The following DOCK11 variants were observed in gnomAD, a reference collection of about 807,000 sequenced individuals.
DOCK11 encodes dedicator of cytokinesis 11.
In DOCK11, 70 loss-of-function variants were observed where a neutral mutation model predicts 169.1. That is an observed-to-expected ratio of 0.41 (90% confidence interval 0.34 to 0.51). The LOEUF (loss-of-function observed/expected upper bound fraction) is 0.51. Among genes scored for constraint, DOCK11 ranks in the 20% least tolerant of loss-of-function variants. The pLI, the probability that DOCK11 is intolerant of heterozygous loss-of-function variation, is 0.10. For missense variants in DOCK11, 1,166 were observed against 1,538.8 expected, an observed-to-expected ratio of 0.76 and a Z score of 4.05; for synonymous variants, 529 against 541.3, an observed-to-expected ratio of 0.98 and a Z score of 0.32.
chrX:118,511,306 CT>C (rs35153428), intron 1 of DOCK11, among the ~76,000 whole-genome samples: 1 of 111,574 alleles, frequency 9.0e-6, no homozygotes, highest in African/African-American at 3.3e-5. Context: ...TCTATTTTTT[CT>C]TTTTTTCCTC....
intron 35 of DOCK11, chrX:118,634,028 T>G (rs1173210974): frequency 1.8e-5 from 2 of 112,347 alleles, no homozygotes; most frequent in Admixed American, 1.9e-4. Context: ...TAACTGATCT[T>G]TCAAGTCATT....
chrX:118,510,634 A>C (rs1014443843), intron 1 of DOCK11, among the ~76,000 whole-genome samples: 3 of 110,810 alleles, frequency 2.7e-5, no homozygotes, highest in Non-Finnish European at 5.7e-5. Flanking sequence ...GTCAGCGGGG[A>C]GGTGTTTAAA....
chrX:118,551,027 A>G (rs1407905054), intron 6 of DOCK11, among the ~76,000 whole-genome samples: 3 of 111,832 alleles, frequency 2.7e-5, no homozygotes, highest in Non-Finnish European at 5.6e-5. Context: ...CCTGCCCGCT[A>G]GGAACTCCAG....
chrX:118,532,749 C>T (rs1290610638), intron 1 of DOCK11, among the ~76,000 whole-genome samples: 1 of 98,457 alleles, frequency 1.0e-5, no homozygotes, highest in African/African-American at 3.7e-5. Context: ...CCACTGCACC[C>T]CAGCCTGGGC....
At chrX:118,675,880 A>G (rs2016597511) in intron 46 of DOCK11, 56 bp from the exon 47 acceptor site, 8 of 719,326 alleles carry the variant, frequency 1.1e-5, no homozygotes, top group Non-Finnish European at 2.0e-6. Context: ...TTCATCTTGA[A>G]GACATTTAGT....
At chrX:118,593,364 T>C (rs5909551) in intron 20 of DOCK11, 27 bp downstream of exon 20, 405,912 of 1,175,945 alleles carry the variant, frequency 0.35, 48,650 homozygotes, top group Middle Eastern at 0.44. Context: ...AATGTCTCTC[T>C]CTACAGTTAT....
intron 23 of DOCK11, among the ~76,000 whole-genome samples, chrX:118,600,400 CT>C (rs1185842874): frequency 1.3e-5 from 1 of 78,241 alleles, no homozygotes; most frequent in African/African-American, 4.6e-5. Context: ...GGTTTGTTTT[CT>C]TTTTTTTTAA....
At chrX:118,615,860 T>C (rs1459296624) in intron 30 of DOCK11, 149 bp downstream of exon 30, 1 of 486,649 alleles carries the variant, frequency 2.1e-6, no homozygotes, top group Non-Finnish European at 3.5e-6. Context: ...TTTTTCTGCA[T>C]TTCCTTCATA....
chrX:118,639,819 A>G (rs1005272158), intron 38 of DOCK11, among the ~76,000 whole-genome samples: 2 of 111,907 alleles, frequency 1.8e-5, no homozygotes, highest in Non-Finnish European at 3.8e-5. Flanking sequence ...GTATATAATC[A>G]ATTTCATCAT....
intron 44 of DOCK11, among the ~76,000 whole-genome samples, chrX:118,657,036 C>A (rs1316511220): frequency 1.4e-4 from 16 of 111,598 alleles, no homozygotes; most frequent in Non-Finnish European, 3.8e-5. Flanking sequence ...AAACTATTTC[C>A]TGGAATGTTT....
intron 10 of DOCK11, among the ~76,000 whole-genome samples, chrX:118,568,834 A>G (rs989282322): frequency 9.0e-6 from 1 of 111,614 alleles, no homozygotes; most frequent in Non-Finnish European, 1.9e-5. Context: ...GTATTTAAGT[A>G]TTACAAATAT....
chrX:118,667,869 T>C (rs1443093610), intron 45 of DOCK11, among the ~76,000 whole-genome samples: 1 of 111,752 alleles, frequency 8.9e-6, no homozygotes, highest in Non-Finnish European at 1.9e-5. Flanking sequence ...CTGGTAGATA[T>C]GTGATGTTTT....
intron 44 of DOCK11, 48 bp downstream of exon 44, chrX:118,655,009 A>G (rs1191120057): frequency 1.8e-6 from 2 of 1,086,217 alleles, no homozygotes; most frequent in South Asian, 3.8e-5. Context: ...ATTTAGCATA[A>G]TAGTTTTTTA....
chrX:118,502,747 A>G (rs781331087), intron 1 of DOCK11, among the ~76,000 whole-genome samples: 1 of 106,048 alleles, frequency 9.4e-6, no homozygotes, highest in Admixed American at 1.0e-4. Flanking sequence ...AGGTTAAAAA[A>G]AGAGATCTGG....
At chrX:118,542,012 A>G (rs1398051186) in intron 1 of DOCK11, among the ~76,000 whole-genome samples, 1 of 111,737 alleles carries the variant, frequency 8.9e-6, no homozygotes, top group Non-Finnish European at 1.9e-5. Context: ...AGGAACATGA[A>G]TGTTGATACT....
At chrX:118,646,419 T>C (rs1165261504) in intron 40 of DOCK11, among the ~76,000 whole-genome samples, 1 of 110,740 alleles carries the variant, frequency 9.0e-6, no homozygotes, top group African/African-American at 3.3e-5. Context: ...GACGAATCTG[T>C]AAGGGAGATG....
chrX:118,664,766 C>T (rs746118597), intron 45 of DOCK11, among the ~76,000 whole-genome samples: 17 of 111,553 alleles, frequency 1.5e-4, no homozygotes, highest in South Asian at 7.6e-4. Context: ...GACATAATAA[C>T]GGCAAGTGAA....
chrX:118,615,932 C>T, intron 30 of DOCK11, among the ~76,000 whole-genome samples: 1 of 111,926 alleles, frequency 8.9e-6, no homozygotes, highest in African/African-American at 3.2e-5. Context: ...GCTGCTTAAA[C>T]ACAGATGTCA....
chrX:118,593,453 A>G (rs1259250406), intron 20 of DOCK11, 116 bp downstream of exon 20: 71 of 692,043 alleles, frequency 1.0e-4, no homozygotes, highest in Non-Finnish European at 1.3e-4. Flanking sequence ...AAACCACTGT[A>G]TTAGTTCATT....
Sources: allele counts gnomAD v4.1 joint callset (sites outside exome capture counted in the v4.1 genomes callset), GRCh38; gene constraint gnomAD v4.1.1; transcripts MANE v1.5; gene names NCBI Gene and HGNC (gene_info 2026-07-23, HGNC 2026-07-21).